Variants in DLGAP4 observed in about 807,000 individuals in gnomAD.
The protein encoded by DLGAP4 is DLG associated protein 4, also known as disks large-associated protein 4.
DLGAP4 carries 18 observed loss-of-function variants against 86.9 expected under a neutral mutation model. The observed-to-expected ratio is 0.21, with a 90% confidence interval of 0.14 to 0.31. DLGAP4 has a LOEUF of 0.31. DLGAP4 is among the 10% of genes least tolerant of loss of function. DLGAP4 has a pLI of 1.00. For synonymous variants in DLGAP4, 548 were observed against 574.3 expected, an observed-to-expected ratio of 0.95 and a Z score of 0.65; for missense variants, 1,085 against 1,362.6, an observed-to-expected ratio of 0.80 and a Z score of 3.21.
chr20:36,351,036 G>A (rs1184749642), intron 1 of DLGAP4, among the ~76,000 whole-genome samples: 5 of 152,240 alleles, frequency 3.3e-5, no homozygotes, highest in East Asian at 3.8e-4. Context: ...CCTGCCCTCC[G>A]GCGAGTGACT....
intron 1 of DLGAP4, among the ~76,000 whole-genome samples, chr20:36,340,052 C>G (rs989910969): frequency 6.6e-6 from 1 of 152,110 alleles, no homozygotes; most frequent in South Asian, 2.1e-4. Flanking sequence ...CATGATCTTG[C>G]CGCCCACATG....
chr20:36,434,274 G>A (rs141483052), intron 3 of DLGAP4, among the ~76,000 whole-genome samples: 1 of 152,240 alleles, frequency 6.6e-6, no homozygotes, highest in East Asian at 1.9e-4. Context: ...ATGATCTTCG[G>A]GGTCTAACAA....
At chr20:36,417,020 C>T in intron 2 of DLGAP4, among the ~76,000 whole-genome samples, 1 of 152,162 alleles carries the variant, frequency 6.6e-6, no homozygotes, top group Non-Finnish European at 1.5e-5. Flanking sequence ...TCCCTCCCCT[C>T]TTGGAGCTCA....
chr20:36,316,419 C>T (rs2065100240), intron 1 of DLGAP4, among the ~76,000 whole-genome samples: 1 of 152,116 alleles, frequency 6.6e-6, no homozygotes, highest in Admixed American at 6.5e-5. Flanking sequence ...GTTTACTGTT[C>T]CCTTTCCCTG....
intron 1 of DLGAP4, among the ~76,000 whole-genome samples, chr20:36,358,739 C>T (rs1218738594): frequency 1.3e-5 from 2 of 152,004 alleles, no homozygotes; most frequent in South Asian, 2.1e-4. Context: ...ACCCAGGGGG[C>T]GGAGCTTGCA....
rs1831295026 is a variant in DLGAP4, at chr20:36,467,056, CT to C, written c.1648+20120del. ...TCTCTCTCTCTCTCTCTCTCTCTCT[CT>C]CTCTCTCCCCCCCCCTTCTCTCGGC... is the stretch of plus-strand genomic sequence containing the variant. On this transcript the variant is annotated intron_variant, in intron 7 of 12. Coordinates refer to ENST00000339266, the MANE Select transcript of DLGAP4 (RefSeq NM_001365621.2). 7.2e-4 allele frequency among the ~76,000 whole-genome samples: 94 copies of C among 131,326 alleles called. 1 individual carries two copies. Among genetic ancestry groups the C allele is most frequent in the South Asian group, 1.8e-3 (8 of 4,364 alleles). The allele number at this position is 131,326 out of a possible 152,430, so 86.2% of individuals were successfully genotyped here. A position where few individuals can be genotyped will look rare whatever the true frequency, so the allele number is the denominator to read the frequency against.
chr20:36,341,773 C>T (rs2065384874), intron 1 of DLGAP4, among the ~76,000 whole-genome samples: 1 of 152,186 alleles, frequency 6.6e-6, no homozygotes, highest in Non-Finnish European at 1.5e-5. Flanking sequence ...AAGCTTCTCC[C>T]AGAGTCACCC....
rs2033270039 is a variant in DLGAP4, at chr20:36,436,186, C to G, written c.1077C>G (p.Ile359Met). 6.2e-7 allele frequency: 1 copy of G among 1,601,536 alleles called. No homozygotes were observed. Among genetic ancestry groups the G allele is most frequent in the African/African-American group, 1.3e-5 (1 of 74,876 alleles). Reference sequence around the variant, plus strand: ...CGGATGCCGCGGCCGAGGGCCCTATCCCGTGCCGGCGCATGCGCAGCGGCA... The same window carrying G: ...CGGATGCCGCGGCCGAGGGCCCTATGCCGTGCCGGCGCATGCGCAGCGGCA... Reference protein sequence around the residue: ...RETDAAAEGPIPCRRMRSGSY... With the variant: ...RETDAAAEGPMPCRRMRSGSY... Residue 359 changes from isoleucine (I) to methionine (M), a missense_variant, in exon 4 of 13, where the codon ATC (isoleucine) becomes ATG (methionine). Physicochemically the swap from Ile to Met is conservative, Grantham distance 10. Around this residue, in one of 2 missense-constraint regions of DLGAP4, gnomAD observed 1,082 missense variants for 1,344.1 expected, o/e 0.81. Transcript: ENST00000339266.
chr20:36,524,944 C>T (rs973909503), intron 11 of DLGAP4, among the ~76,000 whole-genome samples: 3 of 151,804 alleles, frequency 2.0e-5, no homozygotes, highest in East Asian at 1.9e-4. Flanking sequence ...TTTGGCCAGG[C>T]GCAGTGGCTC....
At chr20:36,327,589 T>C (rs989987692) in intron 1 of DLGAP4, among the ~76,000 whole-genome samples, 1 of 145,412 alleles carries the variant, frequency 6.9e-6, no homozygotes, top group African/African-American at 2.7e-5. Context: ...CTGGTTAAAT[T>C]CTTTTTTTTT....
chr20:36,441,112 C>G (rs1486857310), intron 5 of DLGAP4, among the ~76,000 whole-genome samples: 1 of 152,076 alleles, frequency 6.6e-6, no homozygotes, highest in Non-Finnish European at 1.5e-5. Flanking sequence ...GCTGTCAGAG[C>G]CACACCCCTG....
chr20:36,384,829 C>T (rs2031536644), intron 2 of DLGAP4, among the ~76,000 whole-genome samples: 1 of 152,138 alleles, frequency 6.6e-6, no homozygotes, highest in Non-Finnish European at 1.5e-5. Context: ...GAAGAAAGTG[C>T]CCATTTACTG....
In DLGAP4 at chr20:36,513,473, G is replaced by A. The variant is rs1436185288; in HGVS notation, c.2513-10777G>A. On this transcript the variant is annotated intron_variant, in intron 10 of 12. Coordinates refer to ENST00000339266, the MANE Select transcript of DLGAP4 (RefSeq NM_001365621.2). Reference sequence around the variant, plus strand: ...TGAGGCAGGAGAATGGCGTGAACCCGGGAAGCGGAGCTTGCAGTGAGCCGA... The same window carrying A: ...TGAGGCAGGAGAATGGCGTGAACCCAGGAAGCGGAGCTTGCAGTGAGCCGA... Among the ~76,000 whole-genome samples the A allele has an allele frequency of 8.0e-5, 12 of 149,830 alleles. 1 individual carries two copies. Among genetic ancestry groups the A allele is most frequent in the African/African-American group, 2.0e-4 (8 of 40,658 alleles).
chr20:36,376,882 G>A (rs982399972), intron 2 of DLGAP4, among the ~76,000 whole-genome samples: 7 of 152,212 alleles, frequency 4.6e-5, no homozygotes, highest in African/African-American at 4.8e-5. Context: ...GGAGGAGAGC[G>A]TGTCAAGGGC....
chr20:36,503,795 C>A (rs2036250556), intron 10 of DLGAP4, among the ~76,000 whole-genome samples: 1 of 152,156 alleles, frequency 6.6e-6, no homozygotes, highest in African/African-American at 2.4e-5. Flanking sequence ...GCACCCGGCC[C>A]CATATTTGGC....
At position 36,319,543 on chromosome 20, in the gene DLGAP4, C is replaced by G. The variant is rs527854478; in HGVS notation, c.-304+13031C>G. Among the ~76,000 whole-genome samples, 17 of 152,334 alleles carry G rather than the reference C, an allele frequency of 1.1e-4. No homozygotes were observed. In the East Asian group the frequency reaches 3.3e-3, roughly 29 times the overall value. ...CCAGGGCAGCTCACAGAAGGGCCAG[C>G]CTGGGAAAGTGGGCCAAGGGTGAGC... On this transcript the variant is annotated intron_variant, in intron 1 of 12. Coordinates refer to ENST00000339266, the MANE Select transcript of DLGAP4 (RefSeq NM_001365621.2).
chr20:36,345,964 C>T (rs1223671402), intron 1 of DLGAP4, among the ~76,000 whole-genome samples: 1 of 152,066 alleles, frequency 6.6e-6, no homozygotes, highest in Non-Finnish European at 1.5e-5. Flanking sequence ...GCTATGTTGC[C>T]CTGGCTGTTC....
chr20:36,309,299 G>T (rs954811977), intron 1 of DLGAP4, among the ~76,000 whole-genome samples: 2 of 152,214 alleles, frequency 1.3e-5, no homozygotes, highest in Non-Finnish European at 2.9e-5. Flanking sequence ...GGTGTGGCTG[G>T]TGTGGAGAAG....
chr20:36,464,027 A>G (rs1277324314), intron 7 of DLGAP4, among the ~76,000 whole-genome samples: 1 of 152,196 alleles, frequency 6.6e-6, no homozygotes, highest in African/African-American at 2.4e-5. Flanking sequence ...GTGTATAATG[A>G]CAATCTCTAA....
Sources: allele counts gnomAD v4.1 joint callset (sites outside exome capture counted in the v4.1 genomes callset), GRCh38; gene constraint gnomAD v4.1.1; regional missense constraint gnomAD v4.1.1; transcripts MANE v1.5; gene names NCBI Gene and HGNC (gene_info 2026-07-23, HGNC 2026-07-21).